Variants in GRIA3 observed in about 807,000 individuals in gnomAD.
The protein encoded by GRIA3 is glutamate receptor 3.
GRIA3 carries 3 observed loss-of-function variants against 63.0 expected under a neutral mutation model. That is an observed-to-expected ratio of 0.05 (90% CI 0.02 to 0.12). The LOEUF is 0.12. Among genes scored for constraint, GRIA3 ranks in the 10% least tolerant of loss-of-function variants. The pLI is 1.00. For synonymous variants in GRIA3, 274 were observed against 257.9 expected, an observed-to-expected ratio of 1.06 and a Z score of -0.60; for missense variants, 347 against 700.9, an observed-to-expected ratio of 0.50 and a Z score of 5.70.
intron 5 of GRIA3, among the ~76,000 whole-genome samples, chrX:123,372,066 T>A (rs191024428): frequency 1.8e-5 from 2 of 112,126 alleles, no homozygotes; most frequent in Admixed American, 9.5e-5. Context: ...AAGTGAGAGA[T>A]AAAGATCACG....
At chrX:123,245,729 C>T (rs1317964066) in intron 2 of GRIA3, among the ~76,000 whole-genome samples, 3 of 111,825 alleles carry the variant, frequency 2.7e-5, no homozygotes, top group African/African-American at 9.8e-5. Flanking sequence ...CATCATCGAA[C>T]TTGAGAGAGC....
chrX:123,219,972 T>C (rs1048255975), intron 2 of GRIA3, among the ~76,000 whole-genome samples: 1 of 112,258 alleles, frequency 8.9e-6, no homozygotes, highest in Non-Finnish European at 1.9e-5. Flanking sequence ...ATGGACGACA[T>C]GAGCCCTGTT....
chrX:123,220,058 C>G (rs1928254481), intron 2 of GRIA3, among the ~76,000 whole-genome samples: 1 of 112,252 alleles, frequency 8.9e-6, no homozygotes, highest in Admixed American at 9.4e-5. Flanking sequence ...GATGGGCCAG[C>G]CCCCTGTCAC....
At chrX:123,302,279 T>G (rs1377981701) in intron 3 of GRIA3, among the ~76,000 whole-genome samples, 1 of 112,010 alleles carries the variant, frequency 8.9e-6, no homozygotes, top group Non-Finnish European at 1.9e-5. Flanking sequence ...CTCTTCTGTA[T>G]GACCTTGAGT....
chrX:123,317,584 T>C (rs1367396231), intron 3 of GRIA3, among the ~76,000 whole-genome samples: 1 of 111,767 alleles, frequency 8.9e-6, no homozygotes, highest in Non-Finnish European at 1.9e-5. Context: ...AACAGGGTAG[T>C]CAAATTTTAA....
At chrX:123,260,780 T>C (rs1169991496) in intron 3 of GRIA3, among the ~76,000 whole-genome samples, 2 of 109,687 alleles carry the variant, frequency 1.8e-5, no homozygotes, top group Admixed American at 1.9e-4. Context: ...AATTCCCCTG[T>C]TTGAGCAGCA....
chrX:123,484,463 GT>G (rs1465946217), intron 15 of GRIA3, among the ~76,000 whole-genome samples: 1 of 110,785 alleles, frequency 9.0e-6, no homozygotes, highest in African/African-American at 3.3e-5. Flanking sequence ...TTGTTTTGGG[GT>G]TTTTTTGGGG....
At chrX:123,483,112 T>C (rs2045920397) in intron 15 of GRIA3, 66 bp downstream of exon 15, 1 of 126,863 alleles carries the variant, frequency 7.9e-6, no homozygotes, top group African/African-American at 4.1e-5. Flanking sequence ...TTTTTTCTTC[T>C]TTTTTTTTTT....
At chrX:123,469,535 G>A (rs753256406) in intron 13 of GRIA3, among the ~76,000 whole-genome samples, 2 of 111,932 alleles carry the variant, frequency 1.8e-5, no homozygotes, top group East Asian at 2.8e-4. Context: ...GAGCTAATAG[G>A]ACCTAAACAA....
At chrX:123,472,519 G>T (rs2045869201) in intron 13 of GRIA3, among the ~76,000 whole-genome samples, 1 of 111,446 alleles carries the variant, frequency 9.0e-6, no homozygotes, top group Non-Finnish European at 1.9e-5. Context: ...AGTGTCTATG[G>T]CCATATTTTG....
intron 11 of GRIA3, among the ~76,000 whole-genome samples, chrX:123,424,488 G>T (rs1040220411): frequency 8.9e-6 from 1 of 111,832 alleles, no homozygotes; most frequent in Non-Finnish European, 1.9e-5. Context: ...GTTTTGAGGC[G>T]AGAATGTTGA....
At chrX:123,310,186 C>T (rs1191177613) in intron 3 of GRIA3, among the ~76,000 whole-genome samples, 2 of 112,628 alleles carry the variant, frequency 1.8e-5, no homozygotes, top group African/African-American at 6.4e-5. Context: ...GTATGGTTTC[C>T]CAGAAGTCCA....
intron 3 of GRIA3, among the ~76,000 whole-genome samples, chrX:123,274,984 C>G (rs1040000884): frequency 5.4e-5 from 6 of 111,145 alleles, no homozygotes; most frequent in African/African-American, 1.3e-4. Context: ...GTGGCTAACG[C>G]ACCTACCAAG....
At chrX:123,326,353 CT>C (rs2044903532) in intron 4 of GRIA3, 140 bp downstream of exon 4, 1 of 429,497 alleles carries the variant, frequency 2.3e-6, no homozygotes, top group Non-Finnish European at 4.0e-6. Context: ...TCCTTTTTTC[CT>C]CCCCAGTGGC....
intron 5 of GRIA3, among the ~76,000 whole-genome samples, chrX:123,382,815 C>T (rs1389683193): frequency 8.9e-6 from 1 of 112,124 alleles, no homozygotes; most frequent in Non-Finnish European, 1.9e-5. Flanking sequence ...CTCGCTTTTG[C>T]TAATTCTACA....
chrX:123,203,981 T>A (rs1198231420), intron 2 of GRIA3, among the ~76,000 whole-genome samples: 1 of 112,235 alleles, frequency 8.9e-6, no homozygotes, highest in Non-Finnish European at 1.9e-5. Flanking sequence ...ATGCTGCCAC[T>A]AGTGGGCGTC....
At chrX:123,343,810 G>A (rs780523465) in intron 4 of GRIA3, among the ~76,000 whole-genome samples, 29 of 107,301 alleles carry the variant, frequency 2.7e-4, no homozygotes, top group African/African-American at 8.9e-4. Context: ...TGCCCAGGCT[G>A]TGAAACATTT....
intron 2 of GRIA3, among the ~76,000 whole-genome samples, chrX:123,203,810 C>A (rs952838003): frequency 2.7e-5 from 3 of 111,787 alleles, no homozygotes; most frequent in Non-Finnish European, 5.6e-5. Context: ...CTAGAGCTAG[C>A]CCGGGTTAGA....
At chrX:123,456,515 T>C (rs2045762209) in intron 12 of GRIA3, among the ~76,000 whole-genome samples, 1 of 111,046 alleles carries the variant, frequency 9.0e-6, no homozygotes, top group Admixed American at 9.6e-5. Flanking sequence ...TTAATTTCTG[T>C]AGACCTGAGA....
Sources: allele counts gnomAD v4.1 joint callset (sites outside exome capture counted in the v4.1 genomes callset), GRCh38; gene constraint gnomAD v4.1.1; transcripts MANE v1.5; gene names NCBI Gene and HGNC (gene_info 2026-07-23, HGNC 2026-07-21).